Variants in RCSD1 observed in about 807,000 individuals in gnomAD.
RCSD1 encodes the protein RCSD domain containing 1, also known as capZ-interacting protein.
A neutral mutation model predicts 42.5 loss-of-function variants in RCSD1; 26 were observed. The observed-to-expected ratio is 0.61, with a 90% CI of 0.45 to 0.85. The LOEUF (loss-of-function observed/expected upper bound fraction) is 0.85, where lower values mean the gene tolerates loss of function less well. RCSD1 is among the 40% of genes least tolerant of loss of function. The probability of loss-of-function intolerance (pLI) is 0.00; values close to 1 mark genes in which losing one functional copy is unlikely to be tolerated. For synonymous variants in RCSD1, 220 were observed against 212.2 expected, an observed-to-expected ratio of 1.04 and a Z score of -0.32; for missense variants, 571 against 528.3, an observed-to-expected ratio of 1.08 and a Z score of -0.79.
In RCSD1 at chr1:167,705,285, A is replaced by G. The variant is rs1659731058; in HGVS notation, c.*589A>G. 6.6e-6 allele frequency: 1 copy of G among 152,176 alleles called. No homozygotes were observed. The highest frequency in any genetic ancestry group is 1.5e-5 in the Non-Finnish European group (1 of 68,090). The allele number at this position is 152,176 out of a possible 1,614,324, so 9.4% of individuals were successfully genotyped here. ...ATTTGATCCAAATTTGAACTGGCCA[A>G]CCAGTCTTTAAAACACTGGACTAGA... On this transcript the variant is annotated 3_prime_UTR_variant, in exon 7 of 7. Transcript: ENST00000367854.
At chr1:167,683,790 T>C in intron 1 of RCSD1, 110 bp from the exon 2 acceptor site, 1 of 1,033,316 alleles carries the variant, frequency 9.7e-7, no homozygotes, top group Non-Finnish European at 1.5e-6. Context: ...ATAATGCTGT[T>C]AAAATACCTC....
At chr1:167,698,400 C>G (rs1659553175) in intron 6 of RCSD1, among the ~76,000 whole-genome samples, 1 of 152,122 alleles carries the variant, frequency 6.6e-6, no homozygotes, top group East Asian at 1.9e-4. Context: ...TGCTTCAGGG[C>G]CAAGGTAGTA....
chr1:167,697,115 CAAT>C lies in RCSD1; in HGVS notation c.494_496del (p.Ile165del). ...TTCTTCTAGGTGCGGACGAGGGGCT[CAAT>C]AAAAAGGCGCCCTCCCTCCAGGCGA... On this transcript the variant is annotated inframe_deletion, in exon 6 of 7. Transcript: ENST00000367854. 1.9e-6 allele frequency: 3 copies of C among 1,612,822 alleles called. No homozygotes were observed. Among genetic ancestry groups the C allele is most frequent in the Non-Finnish European group, 2.5e-6 (3 of 1,179,446 alleles).
chr1:167,685,472 T>C lies in RCSD1; in HGVS notation c.160T>C (p.Phe54Leu). 3 of 1,613,210 alleles carry C rather than the reference T, an allele frequency of 1.9e-6. No individual in the cohort carries two copies. Among genetic ancestry groups the C allele is most frequent in the Non-Finnish European group, 2.5e-6 (3 of 1,179,506 alleles). Residue 54 changes from phenylalanine (F) to leucine (L), a missense_variant, in exon 3 of 7, where the codon TTC (phenylalanine) becomes CTC (leucine). Coordinates refer to ENST00000367854, the MANE Select transcript of RCSD1 (RefSeq NM_052862.4). ...RRKPPCSLPL[F>L]PPKVDLGQNG... ...GAAACCGCCCTGTTCCCTCCCCCTG[T>C]TCCCCCCCAAGGTAGACCTGGGCCA...
chr1:167,685,328 C>T (rs933540688), intron 2 of RCSD1, 93 bp from the exon 3 acceptor site: 5 of 976,282 alleles, frequency 5.1e-6, no homozygotes, highest in Non-Finnish European at 7.7e-6. Flanking sequence ...CTAAACCTTC[C>T]TGAAACCAGT....
rs1163622516 is a variant in RCSD1 at position 167,708,499 on chromosome 1, C to A, written c.*3803C>A. Among the ~76,000 whole-genome samples, 1 of 152,154 alleles carries A rather than the reference C, an allele frequency of 6.6e-6. No individual in the cohort carries two copies. Among genetic ancestry groups the A allele is most frequent in the African/African-American group, 2.4e-5 (1 of 41,424 alleles). ...AGATGTCAAGAGCACTGAACAAAAT[C>A]CAAATGCTCACATAAAATGGGATTA... On this transcript the variant is annotated 3_prime_UTR_variant, in exon 7 of 7. Coordinates refer to ENST00000367854, the MANE Select transcript of RCSD1 (RefSeq NM_052862.4).
At chr1:167,694,977 T>A (rs941612879) in intron 5 of RCSD1, among the ~76,000 whole-genome samples, 1 of 152,156 alleles carries the variant, frequency 6.6e-6, no homozygotes, top group Non-Finnish European at 1.5e-5. Context: ...GGGCCAAGAC[T>A]TCTTGGGGTC....
rs1193272839 is a variant in RCSD1, at chr1:167,705,771, G to A, written c.*1075G>A. ...AGTCTCTTCTTATTGGGTAGCTCTT[G>A]CTTTAATATTCTGTTTGGTGAGTGT... is the stretch of plus-strand genomic sequence containing the variant. On this transcript the variant is annotated 3_prime_UTR_variant, in exon 7 of 7. Transcript: ENST00000367854. 6.6e-6 allele frequency: 1 copy of A among 152,198 alleles called. No individual in the cohort carries two copies. The highest frequency in any genetic ancestry group is 1.5e-5 in the Non-Finnish European group (1 of 68,040). 9.4% of individuals were successfully genotyped at this position (152,198 alleles called of 1,614,324 possible). A position where few individuals can be genotyped will look rare whatever the true frequency, so the allele number is the denominator to read the frequency against.
At chr1:167,649,695 G>A (rs1658256671) in intron 1 of RCSD1, among the ~76,000 whole-genome samples, 1 of 152,152 alleles carries the variant, frequency 6.6e-6, no homozygotes, top group Admixed American at 6.5e-5. Context: ...GGACTGTGAG[G>A]GCAGAGAAAG....
intron 3 of RCSD1, 59 bp from the exon 4 acceptor site, chr1:167,689,990 C>A: frequency 6.4e-7 from 1 of 1,552,122 alleles, no homozygotes; most frequent in Non-Finnish European, 8.9e-7. Flanking sequence ...TGGGTTCCAA[C>A]CAGAACCCCA....
chr1:167,677,760 T>C (rs918396649), intron 1 of RCSD1, among the ~76,000 whole-genome samples: 8 of 152,242 alleles, frequency 5.3e-5, no homozygotes, highest in African/African-American at 1.9e-4. Flanking sequence ...CTTAGAGTTC[T>C]GTCCTTTGTC....
chr1:167,643,684 G>A (rs1658061454), intron 1 of RCSD1, among the ~76,000 whole-genome samples: 1 of 152,214 alleles, frequency 6.6e-6, no homozygotes, highest in Non-Finnish European at 1.5e-5. Context: ...TTACTAGCTT[G>A]TGACCTCTCC....
rs147791585 is a variant in RCSD1 at position 167,642,754 on chromosome 1, T to A, written c.6+12325T>A. Among the ~76,000 whole-genome samples the A allele has an allele frequency of 4.5e-3, 684 of 152,294 alleles. 7 individuals are homozygous for A. Among genetic ancestry groups the A allele is most frequent in the African/African-American group, 0.016 (654 of 41,548 alleles). ...CTCCCCCTTGGTGAAAGGGAATCTA[T>A]GTCTTTTTTCTACATGCAGTTATAT... On this transcript the variant is annotated intron_variant, in intron 1 of 6. Transcript: ENST00000367854.
chr1:167,692,226 C>CT (rs1659394313), intron 4 of RCSD1, among the ~76,000 whole-genome samples: 2 of 152,150 alleles, frequency 1.3e-5, no homozygotes, highest in African/African-American at 4.8e-5. Context: ...AGAAATGCGT[C>CT]GCCAGCTAGA....
At chr1:167,696,323 G>A (rs1659496569) in intron 5 of RCSD1, among the ~76,000 whole-genome samples, 1 of 151,854 alleles carries the variant, frequency 6.6e-6, no homozygotes, top group East Asian at 1.9e-4. Flanking sequence ...ATCTTCACAA[G>A]ATAAAAGTCT....
chr1:167,647,658 G>C (rs1658195669), intron 1 of RCSD1, among the ~76,000 whole-genome samples: 1 of 152,202 alleles, frequency 6.6e-6, no homozygotes, highest in Admixed American at 6.5e-5. Context: ...AGGATTGCTT[G>C]AGCCTGGGAG....
chr1:167,691,007 TGA>T, intron 4 of RCSD1, among the ~76,000 whole-genome samples: 1 of 152,046 alleles, frequency 6.6e-6, no homozygotes, highest in East Asian at 1.9e-4. Flanking sequence ...CTTTCACAGG[TGA>T]TATAATAAAA....
chr1:167,644,212 G>A (rs1558073152), intron 1 of RCSD1, among the ~76,000 whole-genome samples: 1 of 152,144 alleles, frequency 6.6e-6, no homozygotes, highest in African/African-American at 2.4e-5. Flanking sequence ...GGGCACGGTG[G>A]CTCACGTCTG....
chr1:167,669,887 A>G (rs1220786232), intron 1 of RCSD1, among the ~76,000 whole-genome samples: 1 of 152,212 alleles, frequency 6.6e-6, no homozygotes, highest in Non-Finnish European at 1.5e-5. Flanking sequence ...ACTGGGATGC[A>G]GACCGGGGGC....
Sources: allele counts gnomAD v4.1 joint callset (sites outside exome capture counted in the v4.1 genomes callset), GRCh38; gene constraint gnomAD v4.1.1; transcripts MANE v1.5; gene names NCBI Gene and HGNC (gene_info 2026-07-23, HGNC 2026-07-21).